CHKA: variants seen among roughly 807,000 people sequenced by gnomAD.
The protein encoded by CHKA is choline kinase alpha, also known as CHETK-alpha.
CHKA carries 34 observed loss-of-function variants against 60.1 expected under a neutral mutation model. The ratio of observed to expected loss-of-function variants is 0.57; its 90% CI spans 0.43 to 0.75. The LOEUF (loss-of-function observed/expected upper bound fraction) is 0.75. CHKA is among the 30% of genes least tolerant of loss of function. The pLI is 0.00. For missense variants in CHKA, 563 were observed against 561.3 expected (o/e 1.00, Z -0.03); for synonymous variants, 217 against 223.1 (o/e 0.97, Z 0.24).
At chr11:68,081,607 A>G (rs978785036) in intron 2 of CHKA, 150 bp from the exon 3 acceptor site, 1 of 609,474 alleles carries the variant, frequency 1.6e-6, no homozygotes, top group Admixed American at 2.7e-5. Flanking sequence ...GGCAGCATCT[A>G]ATGCACCAGC....
chr11:68,094,306 A>G (rs1857435211), intron 2 of CHKA, among the ~76,000 whole-genome samples: 1 of 152,124 alleles, frequency 6.6e-6, no homozygotes, highest in African/African-American at 2.4e-5. Context: ...TTTTGAGAGG[A>G]CTAGACGGGT....
chr11:68,062,814 T>C (rs1032950332), intron 10 of CHKA, among the ~76,000 whole-genome samples: 3 of 152,138 alleles, frequency 2.0e-5, no homozygotes, highest in African/African-American at 7.2e-5. Flanking sequence ...AAAGAGATGA[T>C]GTATGCTGCG....
intron 3 of CHKA, among the ~76,000 whole-genome samples, chr11:68,077,575 C>A (rs181623012): frequency 4.0e-4 from 61 of 152,334 alleles, no homozygotes; most frequent in African/African-American, 1.4e-3. Context: ...CTAAAACACA[C>A]TTACTCAATG....
intron 1 of CHKA, among the ~76,000 whole-genome samples, chr11:68,102,932 G>A (rs1033935616): frequency 2.6e-5 from 4 of 152,152 alleles, no homozygotes; most frequent in African/African-American, 9.7e-5. Flanking sequence ...AGTCAAGGCT[G>A]CACTGTACTT....
intron 1 of CHKA, among the ~76,000 whole-genome samples, chr11:68,113,140 T>TAAATTA (rs1304137240): frequency 1.1e-5 from 1 of 90,778 alleles, no homozygotes; most frequent in Non-Finnish European, 2.4e-5. Context: ...AAAAAACAAT[T>TAAATTA]AAATTAAAAT....
chr11:68,101,341 T>G (rs1418412251), intron 1 of CHKA, among the ~76,000 whole-genome samples: 1 of 151,962 alleles, frequency 6.6e-6, no homozygotes, highest in Non-Finnish European at 1.5e-5. Flanking sequence ...GAGAAAGAAA[T>G]AAAAGGCATC....
intron 11 of CHKA, among the ~76,000 whole-genome samples, 159 bp from the exon 12 acceptor site, chr11:68,054,206 C>T (rs1473061897): frequency 7.9e-5 from 12 of 152,196 alleles, no homozygotes; most frequent in Admixed American, 7.2e-4. Context: ...TCGGGGGCCT[C>T]GCTGCTCTAC....
At chr11:68,110,364 GA>G (rs965162830) in intron 1 of CHKA, among the ~76,000 whole-genome samples, 7 of 151,906 alleles carry the variant, frequency 4.6e-5, no homozygotes, top group African/African-American at 9.6e-5. Flanking sequence ...AGAAAGAAGT[GA>G]AAAAAAATTT....
intron 11 of CHKA, among the ~76,000 whole-genome samples, chr11:68,056,050 AAAT>A (rs1209722627): frequency 2.0e-5 from 3 of 152,156 alleles, no homozygotes; most frequent in African/African-American, 7.2e-5. Flanking sequence ...CTCCATCTCA[AAAT>A]AATAATAATG....
At chr11:68,077,038 G>A (rs1856815244) in intron 3 of CHKA, among the ~76,000 whole-genome samples, 1 of 152,156 alleles carries the variant, frequency 6.6e-6, no homozygotes, top group South Asian at 2.1e-4. Flanking sequence ...AGGAGTTTGA[G>A]ACCAGCGTGG....
At chr11:68,079,333 T>C (rs900296701) in intron 3 of CHKA, among the ~76,000 whole-genome samples, 1 of 148,166 alleles carries the variant, frequency 6.7e-6, no homozygotes, top group Non-Finnish European at 1.5e-5. Flanking sequence ...CTCTGTACTA[T>C]TTTTTTTTTC....
intron 11 of CHKA, among the ~76,000 whole-genome samples, chr11:68,054,592 G>C (rs1264599143): frequency 6.6e-6 from 1 of 152,096 alleles, no homozygotes. Context: ...TGTTGTGTGA[G>C]GACAACACAA....
In CHKA at chr11:68,064,567, T is replaced by G. The variant is rs772671103; in HGVS notation, c.1190A>C (p.Glu397Ala). ...QNDFENLSTEEKSIIKEEMLL... is the reference protein window; with the variant it reads ...QNDFENLSTEAKSIIKEEMLL... ...CATTTCTTCTTTTATAATGGATTTT[T>G]CTTCAGTACTGAGGTTTTCAAAGTC... is the stretch of plus-strand genomic sequence containing the variant. The change falls in exon 10 of 12, where the codon GAA (glutamate) becomes GCA (alanine). Residue 397 changes from glutamate to alanine, a missense_variant. Glu to Ala is a moderately radical substitution (Grantham distance 107). Coordinates refer to ENST00000265689, the MANE Select transcript of CHKA (RefSeq NM_001277.3). 11 of 1,585,764 alleles carry G rather than the reference T, an allele frequency of 6.9e-6. No individual in the cohort carries two copies. Among genetic ancestry groups the G allele is most frequent in the Non-Finnish European group, 9.4e-6 (11 of 1,169,848 alleles).
chr11:68,113,669 T>C (rs1858266924), intron 1 of CHKA, among the ~76,000 whole-genome samples: 1 of 151,912 alleles, frequency 6.6e-6, no homozygotes, highest in Admixed American at 6.6e-5. Flanking sequence ...CGCTCCAGCC[T>C]GGGCAAAAGA....
intron 11 of CHKA, among the ~76,000 whole-genome samples, chr11:68,057,088 G>A (rs962021566): frequency 6.6e-6 from 1 of 152,148 alleles, no homozygotes; most frequent in South Asian, 2.1e-4. Flanking sequence ...GAATTGGAGG[G>A]CACCCATCTG....
chr11:68,074,885 C>A (rs1645684994), intron 3 of CHKA, 55 bp from the exon 4 acceptor site: 7 of 1,535,408 alleles, frequency 4.6e-6, no homozygotes, highest in Non-Finnish European at 6.3e-6. Flanking sequence ...AAGCGCCAGG[C>A]ATCAGAAGCA....
intron 1 of CHKA, among the ~76,000 whole-genome samples, chr11:68,105,350 A>T (rs545671266): frequency 6.6e-6 from 1 of 151,648 alleles, no homozygotes; most frequent in South Asian, 2.1e-4. Flanking sequence ...CCCCATCTCT[A>T]CTAAAAATAC....
intron 1 of CHKA, among the ~76,000 whole-genome samples, chr11:68,112,744 G>A (rs1858206932): frequency 6.6e-6 from 1 of 152,072 alleles, no homozygotes; most frequent in Non-Finnish European, 1.5e-5. Context: ...AATATATAAA[G>A]AACTCTTAAA....
intron 4 of CHKA, among the ~76,000 whole-genome samples, chr11:68,071,806 G>C (rs1367503640): frequency 6.6e-6 from 1 of 152,226 alleles, no homozygotes; most frequent in Non-Finnish European, 1.5e-5. Context: ...CTGGAGGAGA[G>C]AATGCAGATG....
Sources: gnomAD v4.1 joint callset for allele counts (sites outside exome capture counted in the v4.1 genomes callset) on GRCh38, gnomAD v4.1.1 for gene constraint, MANE v1.5 for transcripts, NCBI Gene and HGNC (gene_info 2026-07-23, HGNC 2026-07-21) for gene names.